The following IPO11 variants were observed in gnomAD, a reference collection of about 807,000 sequenced individuals.
IPO11 encodes importin-11.
IPO11 carries 66 observed loss-of-function variants against 143.2 expected under a neutral mutation model. The observed-to-expected ratio is 0.46, with a 90% confidence interval of 0.38 to 0.57. The LOEUF (loss-of-function observed/expected upper bound fraction) is 0.57, where lower values mean the gene tolerates loss of function less well. IPO11 is among the 20% of genes least tolerant of loss of function. IPO11 has a pLI of 0.00. For synonymous variants in IPO11, 385 were observed against 377.8 expected, an observed-to-expected ratio of 1.02 and a Z score of -0.22; for missense variants, 1,026 against 1,141.0, an observed-to-expected ratio of 0.90 and a Z score of 1.45.
intron 1 of IPO11, among the ~76,000 whole-genome samples, chr5:62,416,786 G>A (rs1561301082): frequency 6.7e-6 from 1 of 149,662 alleles, no homozygotes; most frequent in Non-Finnish European, 1.5e-5. Context: ...GTGCAGTGGT[G>A]CTATCTTGGC....
intron 16 of IPO11, among the ~76,000 whole-genome samples, chr5:62,503,917 T>C (rs1027996977): frequency 6.6e-6 from 1 of 152,172 alleles, no homozygotes; most frequent in Non-Finnish European, 1.5e-5. Flanking sequence ...AGCTGGGAAA[T>C]AAAAGTTTTA....
At chr5:62,555,748 C>G (rs547171335) in intron 26 of IPO11, among the ~76,000 whole-genome samples, 1 of 152,094 alleles carries the variant, frequency 6.6e-6, no homozygotes, top group East Asian at 1.9e-4. Flanking sequence ...CGTGATCCGC[C>G]TGCCTCGGCC....
intron 3 of IPO11, among the ~76,000 whole-genome samples, chr5:62,445,386 A>G (rs1054270971): frequency 6.6e-6 from 1 of 152,122 alleles, no homozygotes; most frequent in African/African-American, 2.4e-5. Context: ...TAAAGGTGGA[A>G]TGTTAATTAT....
intron 29 of IPO11, among the ~76,000 whole-genome samples, chr5:62,620,535 A>AG (rs1377970373): frequency 1.3e-5 from 2 of 152,076 alleles, no homozygotes; most frequent in East Asian, 3.9e-4. Flanking sequence ...AAAAAAAAAA[A>AG]AAAAATACAT....
chr5:62,474,617 G>A (rs1283391901), intron 8 of IPO11, among the ~76,000 whole-genome samples, 153 bp downstream of exon 8: 1 of 152,092 alleles, frequency 6.6e-6, no homozygotes. Context: ...AAAGTGTCTT[G>A]TCCAATTGCT....
intron 24 of IPO11, among the ~76,000 whole-genome samples, chr5:62,549,481 C>T (rs953553986): frequency 1.3e-5 from 2 of 152,164 alleles, no homozygotes; most frequent in Non-Finnish European, 1.5e-5. Flanking sequence ...AAATGGTTCT[C>T]TTCATACAAA....
chr5:62,600,879 C>A (rs1019018078), intron 28 of IPO11, among the ~76,000 whole-genome samples: 1 of 152,246 alleles, frequency 6.6e-6, no homozygotes, highest in East Asian at 1.9e-4. Flanking sequence ...GAAATAGAAA[C>A]GAAAGACACT....
In IPO11 at chr5:62,465,496, A is replaced by C. The variant is rs189875950; in HGVS notation, c.517-1635A>C. ...AGTGAATGTTTGCTTCTCTGCTATA[A>C]TACTACTTCATGGGAAAATGTCACT... On this transcript the variant is annotated intron_variant, in intron 5 of 29. Transcript: ENST00000325324. Among the ~76,000 whole-genome samples, 23 of 152,334 alleles carry C rather than the reference A, an allele frequency of 1.5e-4. 1 individual carries two copies. The highest frequency in any genetic ancestry group is 1.2e-3 in the Admixed American group (18 of 15,304).
At chr5:62,460,484 A>G (rs1745316638) in intron 5 of IPO11, among the ~76,000 whole-genome samples, 1 of 152,240 alleles carries the variant, frequency 6.6e-6, no homozygotes, top group South Asian at 2.1e-4. Flanking sequence ...GAATTATTTA[A>G]TACATGAACT....
chr5:62,515,946 C>T (rs966367252), intron 20 of IPO11, among the ~76,000 whole-genome samples: 6 of 152,118 alleles, frequency 3.9e-5, no homozygotes, highest in African/African-American at 1.2e-4. Context: ...GACATTTTGA[C>T]GTTTGAGGTG....
At chr5:62,493,720 C>T (rs1328207907) in intron 15 of IPO11, among the ~76,000 whole-genome samples, 7 of 152,004 alleles carry the variant, frequency 4.6e-5, no homozygotes, top group Non-Finnish European at 7.4e-5. Context: ...AGGTGCATGC[C>T]ACCACGCCCT....
chr5:62,551,017 T>TTA (rs1554054857), intron 25 of IPO11, among the ~76,000 whole-genome samples: 1 of 93,282 alleles, frequency 1.1e-5, no homozygotes, highest in Non-Finnish European at 2.1e-5. Flanking sequence ...TTTCTCTTTA[T>TTA]TGTATATATA....
intron 27 of IPO11, among the ~76,000 whole-genome samples, chr5:62,575,244 C>G (rs977251292): frequency 6.6e-6 from 1 of 152,192 alleles, no homozygotes; most frequent in Admixed American, 6.5e-5. Context: ...AAAGAACACT[C>G]ATATGACCTT....
intron 27 of IPO11, among the ~76,000 whole-genome samples, chr5:62,575,165 T>A (rs1744266475): frequency 6.6e-6 from 1 of 152,224 alleles, no homozygotes; most frequent in Admixed American, 6.5e-5. Context: ...TACACGGATA[T>A]CATAGCTACT....
intron 19 of IPO11, among the ~76,000 whole-genome samples, chr5:62,509,784 C>A (rs1401700136): frequency 6.6e-6 from 1 of 152,184 alleles, no homozygotes; most frequent in Non-Finnish European, 1.5e-5. Flanking sequence ...TGTTCTTTAT[C>A]CATTCATCTG....
chr5:62,463,478 A>T (rs1410856444), intron 5 of IPO11, among the ~76,000 whole-genome samples: 1 of 151,894 alleles, frequency 6.6e-6, no homozygotes, highest in Non-Finnish European at 1.5e-5. Flanking sequence ...AGGCTGGGCA[A>T]CACAGTGAGA....
intron 27 of IPO11, among the ~76,000 whole-genome samples, chr5:62,591,163 T>A (rs1048606311): frequency 6.6e-6 from 1 of 152,190 alleles, no homozygotes; most frequent in Non-Finnish European, 1.5e-5. Flanking sequence ...CATCCTAGAT[T>A]CAAGTCCATT....
At chr5:62,453,148 G>C (rs1745003907) in intron 5 of IPO11, among the ~76,000 whole-genome samples, 1 of 151,014 alleles carries the variant, frequency 6.6e-6, no homozygotes, top group Non-Finnish European at 1.5e-5. Context: ...TAGTTTTGTA[G>C]AAAGATTTTT....
chr5:62,565,055 C>A (rs989094970), intron 27 of IPO11, among the ~76,000 whole-genome samples: 1 of 152,156 alleles, frequency 6.6e-6, no homozygotes, highest in African/African-American at 2.4e-5. Context: ...AATTAGCTGT[C>A]CTTATTTCAT....
Sources: allele counts gnomAD v4.1 joint callset (sites outside exome capture counted in the v4.1 genomes callset), GRCh38; gene constraint gnomAD v4.1.1; transcripts MANE v1.5; gene names NCBI Gene and HGNC (gene_info 2026-07-23, HGNC 2026-07-21).